The following EIF4G3 variants were observed in gnomAD, a reference collection of about 807,000 sequenced individuals.
EIF4G3 encodes eukaryotic translation initiation factor 4 gamma 3.
A neutral mutation model predicts 186.4 loss-of-function variants in EIF4G3; 34 were observed. The ratio of observed to expected loss-of-function variants is 0.18; its 90% CI spans 0.14 to 0.24. EIF4G3 has a LOEUF of 0.24. Among genes scored for constraint, EIF4G3 ranks in the 10% least tolerant of loss-of-function variants. The pLI is 1.00. For synonymous variants in EIF4G3, 673 were observed against 679.5 expected, an observed-to-expected ratio of 0.99 and a Z score of 0.15; for missense variants, 1,536 against 1,948.5, an observed-to-expected ratio of 0.79 and a Z score of 3.99.
chr1:20,908,831 T>C (rs1196478690), intron 14 of EIF4G3, among the ~76,000 whole-genome samples: 1 of 152,104 alleles, frequency 6.6e-6, no homozygotes, highest in Non-Finnish European at 1.5e-5. Context: ...TTTTTAAAAA[T>C]AGTTTTCCCT....
In EIF4G3 at chr1:20,981,228, C is replaced by T; in HGVS notation, c.199-1G>A. On this transcript the variant is annotated splice_acceptor_variant, in intron 8 of 36. Coordinates refer to ENST00000602326, the MANE Select transcript of EIF4G3 (RefSeq NM_001391906.1). LOFTEE classifies it high-confidence loss of function. ...GCTGTATTTGAGGCCTCTGGAAAAA[C>T]TGGGAAGGGGAGAAAAAAAAAATTT... 3 of 1,569,882 alleles carry T rather than the reference C, an allele frequency of 1.9e-6. No homozygotes were observed. Among genetic ancestry groups the T allele is most frequent in the Non-Finnish European group, 1.7e-6 (2 of 1,160,334 alleles).
chr1:20,956,623 A>G (rs2096431044), intron 12 of EIF4G3, among the ~76,000 whole-genome samples: 1 of 151,316 alleles, frequency 6.6e-6, no homozygotes, highest in African/African-American at 2.4e-5. Flanking sequence ...TTTACAAAAA[A>G]AAAAAAAAAA....
chr1:20,982,425 A>C lies in EIF4G3; in HGVS notation c.178-17T>G, dbSNP rs2078487407. The C allele has an allele frequency of 2.6e-6, 4 of 1,525,896 alleles. No individual in the cohort carries two copies. The highest frequency in any genetic ancestry group is 3.5e-6 in the Non-Finnish European group (4 of 1,143,018). The allele number at this position is 1,525,896 out of a possible 1,614,324, so 94.5% of individuals were successfully genotyped here. On this transcript the variant is annotated splice_polypyrimidine_tract_variant and intron_variant, in intron 7 of 36. Transcript: ENST00000602326. Reference sequence around the variant, plus strand: ...GAATCCTCCCTTCAAATATGAAGCAAGAAAGCAGCAGGAAACAGAAAGAAA... The same window carrying C: ...GAATCCTCCCTTCAAATATGAAGCACGAAAGCAGCAGGAAACAGAAAGAAA...
At chr1:21,124,640 T>C (rs770281989) in intron 2 of EIF4G3, among the ~76,000 whole-genome samples, 3 of 152,230 alleles carry the variant, frequency 2.0e-5, no homozygotes, top group East Asian at 3.9e-4. Context: ...CTAGTAGTGT[T>C]TGGTATCCCA....
chr1:21,115,299 A>C (rs1353507307), intron 2 of EIF4G3, among the ~76,000 whole-genome samples: 1 of 152,202 alleles, frequency 6.6e-6, no homozygotes, highest in Non-Finnish European at 1.5e-5. Context: ...AGGAAAGAGC[A>C]AGGTCCATGG....
chr1:20,970,516 G>A (rs113197643), intron 11 of EIF4G3, among the ~76,000 whole-genome samples: 167 of 152,288 alleles, frequency 1.1e-3, no homozygotes, highest in African/African-American at 3.9e-3. Flanking sequence ...AGGAGGCTGA[G>A]GCAGGAGAAT....
chr1:20,920,296 T>C (rs1008546777), intron 14 of EIF4G3, among the ~76,000 whole-genome samples: 2 of 152,244 alleles, frequency 1.3e-5, no homozygotes, highest in African/African-American at 4.8e-5. Context: ...ATATTTCAAG[T>C]AGACAAATTC....
chr1:21,073,191 C>T (rs2095492072), intron 3 of EIF4G3, among the ~76,000 whole-genome samples: 1 of 152,104 alleles, frequency 6.6e-6, no homozygotes, highest in Non-Finnish European at 1.5e-5. Flanking sequence ...ATGTCATTCC[C>T]TTAGTAGAAA....
chr1:21,152,731 C>T (rs2097572919), intron 2 of EIF4G3, among the ~76,000 whole-genome samples: 1 of 152,158 alleles, frequency 6.6e-6, no homozygotes, highest in African/African-American at 2.4e-5. Flanking sequence ...GGAAAATTTA[C>T]ATAACTTAAT....
At chr1:20,907,380 A>T (rs2092381453) in intron 14 of EIF4G3, among the ~76,000 whole-genome samples, 1 of 152,054 alleles carries the variant, frequency 6.6e-6, no homozygotes, top group Non-Finnish European at 1.5e-5. Flanking sequence ...GATTTTTGCA[A>T]ATTTTTTTTT....
chr1:20,873,855 A>C (rs1243047317), intron 20 of EIF4G3, among the ~76,000 whole-genome samples: 3 of 151,776 alleles, frequency 2.0e-5, no homozygotes, highest in Non-Finnish European at 2.9e-5. Flanking sequence ...CCCATCCCCC[A>C]AAAAGCCCTG....
Position 21,102,879 on chromosome 1 carries a change from G to A in EIF4G3, c.-271-13666C>T, listed in dbSNP as rs542902791. Among the ~76,000 whole-genome samples, 193 of 152,152 alleles carry A rather than the reference G, an allele frequency of 1.3e-3. 1 individual carries two copies. The highest frequency in any genetic ancestry group is 4.4e-3 in the African/African-American group (181 of 41,530). ...CAAATGTCAAGAGAAAAAAATTAAC[G>A]TATCCATCCATAGCAAAAGGAACAG... On this transcript the variant is annotated intron_variant, in intron 2 of 36. Coordinates refer to ENST00000602326, the MANE Select transcript of EIF4G3 (RefSeq NM_001391906.1).
At chr1:20,932,420 T>C (rs2095353333) in intron 14 of EIF4G3, among the ~76,000 whole-genome samples, 1 of 152,192 alleles carries the variant, frequency 6.6e-6, no homozygotes, top group Non-Finnish European at 1.5e-5. Flanking sequence ...ACAACTTTAC[T>C]GTCTCAAGGG....
intron 3 of EIF4G3, among the ~76,000 whole-genome samples, chr1:21,063,020 T>A (rs1157317073): frequency 1.3e-5 from 2 of 152,328 alleles, no homozygotes; most frequent in East Asian, 3.9e-4. Context: ...TCATCATAAA[T>A]GAATTATGTG....
At chr1:20,960,492 G>T (rs1027346909) in intron 12 of EIF4G3, among the ~76,000 whole-genome samples, 2 of 151,970 alleles carry the variant, frequency 1.3e-5, no homozygotes, top group Non-Finnish European at 2.9e-5. Flanking sequence ...CTGGTGCAGT[G>T]GCTCATAGCA....
chr1:20,878,397 T>C (rs2081435561), intron 20 of EIF4G3, among the ~76,000 whole-genome samples: 1 of 152,194 alleles, frequency 6.6e-6, no homozygotes, highest in South Asian at 2.1e-4. Flanking sequence ...TAACCATCCA[T>C]TCAGGCATTG....
intron 20 of EIF4G3, among the ~76,000 whole-genome samples, chr1:20,865,662 C>G (rs2077402650): frequency 6.6e-6 from 1 of 151,670 alleles, no homozygotes; most frequent in Non-Finnish European, 1.5e-5. Context: ...TGACATAAGA[C>G]AAGGGAGAAT....
At chr1:21,091,584 A>T (rs2096202915) in intron 2 of EIF4G3, among the ~76,000 whole-genome samples, 1 of 152,210 alleles carries the variant, frequency 6.6e-6, no homozygotes, top group Non-Finnish European at 1.5e-5. Flanking sequence ...CTATTAAAAA[A>T]AAATTTTTTT....
intron 2 of EIF4G3, among the ~76,000 whole-genome samples, chr1:21,097,092 G>A (rs780120942): frequency 6.6e-6 from 1 of 152,078 alleles, no homozygotes; most frequent in Admixed American, 6.6e-5. Context: ...AAAATAAATA[G>A]ATAAAAGAAC....
Sources: gnomAD v4.1 joint callset for allele counts (sites outside exome capture counted in the v4.1 genomes callset) on GRCh38, gnomAD v4.1.1 for gene constraint, MANE v1.5 for transcripts, NCBI Gene and HGNC (gene_info 2026-07-23, HGNC 2026-07-21) for gene names.